The following MARCHF8 variants were observed in gnomAD, a reference collection of about 807,000 sequenced individuals.
MARCHF8 encodes membrane associated ring-CH-type finger 8, also known as E3 ubiquitin-protein ligase MARCHF8.
In MARCHF8, 40 loss-of-function variants were observed where a neutral mutation model predicts 51.6. The ratio of observed to expected loss-of-function variants is 0.77; its 90% CI spans 0.60 to 1.01. The LOEUF (loss-of-function observed/expected upper bound fraction) is 1.01, where lower values mean the gene tolerates loss of function less well. MARCHF8 is among the 50% of genes least tolerant of loss of function. MARCHF8 has a pLI of 0.00. For missense variants in MARCHF8, 685 were observed against 708.6 expected, an observed-to-expected ratio of 0.97 and a Z score of 0.38; for synonymous variants, 263 against 280.3, an observed-to-expected ratio of 0.94 and a Z score of 0.62.
In MARCHF8 at chr10:45,456,245, AG is replaced by A. The variant is rs1842602549; in HGVS notation, c.*1993del. On this transcript the variant is annotated 3_prime_UTR_variant, in exon 8 of 8. Coordinates refer to ENST00000453424, the MANE Select transcript of MARCHF8 (RefSeq NM_001282866.2). Reference sequence around the variant, plus strand: ...GTTGCCTGGGGTCCCCAGGCTGAGAAGGGGTATGGGTAATTGCACTTCGGGG... The same window carrying A: ...GTTGCCTGGGGTCCCCAGGCTGAGAAGGGTATGGGTAATTGCACTTCGGGG... 6.6e-6 allele frequency: 1 copy of A among 152,360 alleles called. No homozygotes were observed. The highest frequency in any genetic ancestry group is 2.4e-5 in the African/African-American group (1 of 41,452). The allele number at this position is 152,360 out of a possible 1,614,324, so 9.4% of individuals were successfully genotyped here.
intron 2 of MARCHF8, among the ~76,000 whole-genome samples, chr10:45,531,972 A>G (rs74371111): frequency 0.05 from 7,656 of 152,094 alleles, 265 homozygotes; most frequent in Non-Finnish European, 0.077. Flanking sequence ...CACAACCACT[A>G]TTTTCATCCT....
chr10:45,586,027 C>T (rs1020775111), intron 1 of MARCHF8, among the ~76,000 whole-genome samples: 5 of 152,054 alleles, frequency 3.3e-5, no homozygotes, highest in African/African-American at 1.2e-4. Context: ...TCTGTAAATG[C>T]TTTTTAGACC....
At chr10:45,560,792 C>G (rs1480322132) in intron 1 of MARCHF8, among the ~76,000 whole-genome samples, 1 of 152,158 alleles carries the variant, frequency 6.6e-6, no homozygotes, top group East Asian at 1.9e-4. Flanking sequence ...GTAGCTGCTC[C>G]CTAGAACTGT....
intron 2 of MARCHF8, among the ~76,000 whole-genome samples, chr10:45,500,035 T>C (rs1035873408): frequency 3.9e-5 from 6 of 152,170 alleles, no homozygotes; most frequent in African/African-American, 1.4e-4. Flanking sequence ...AGTACTGTCA[T>C]CTTAACAATA....
chr10:45,492,577 G>A (rs201961955), intron 2 of MARCHF8, among the ~76,000 whole-genome samples: 2 of 152,178 alleles, frequency 1.3e-5, no homozygotes, highest in East Asian at 3.9e-4. Context: ...GATTACAGGC[G>A]TGAGCCACTG....
intron 3 of MARCHF8, among the ~76,000 whole-genome samples, chr10:45,473,190 C>T (rs954445059): frequency 1.3e-5 from 2 of 152,152 alleles, no homozygotes; most frequent in African/African-American, 4.8e-5. Context: ...CAACAATAAC[C>T]GGAAAATATT....
rs1215979821 is a variant in MARCHF8, at chr10:45,482,856, AT to A, written c.153+6510del. On this transcript the variant is annotated intron_variant, in intron 3 of 7. Coordinates refer to ENST00000453424, the MANE Select transcript of MARCHF8 (RefSeq NM_001282866.2). The stretch of plus-strand genomic sequence containing the variant: ...AAATCCACGTACTTACTGCGAACTG[AT>A]TTTCAACAAAGGTACCAAAAACATG... 2.6e-5 allele frequency among the ~76,000 whole-genome samples: 4 copies of A among 152,222 alleles called. No homozygotes were observed. In the East Asian group the frequency reaches 7.7e-4, roughly 29 times the overall value.
chr10:45,502,478 C>T (rs2043298626), intron 2 of MARCHF8, among the ~76,000 whole-genome samples: 2 of 152,132 alleles, frequency 1.3e-5, no homozygotes, highest in African/African-American at 4.8e-5. Flanking sequence ...GAATGAACTA[C>T]AAGAAACCTA....
Position 45,463,305 on chromosome 10 carries a change from C to T in MARCHF8, c.934G>A (p.Val312Ile), listed in dbSNP as rs749184918. 1 of 1,550,920 alleles carries T rather than the reference C, an allele frequency of 6.4e-7. No individual in the cohort carries two copies. The highest frequency in any genetic ancestry group is 8.7e-7 in the Non-Finnish European group (1 of 1,147,098). Residue 312 changes from valine to isoleucine, a missense_variant, in exon 5 of 8, where the codon GTC becomes ATC. By Grantham distance (29) the Val-to-Ile change is conservative. Coordinates refer to ENST00000453424, the MANE Select transcript of MARCHF8 (RefSeq NM_001282866.2). Reference sequence around the variant, plus strand: ...TTTGCAGATGTGCTGTCCTCAAAGACATCGTCGTCTCCCATCTCGTCAGAG... The same window carrying T: ...TTTGCAGATGTGCTGTCCTCAAAGATATCGTCGTCTCCCATCTCGTCAGAG... ...FCSDEMGDDD[V>I]FEDSTSAKLK...
At chr10:45,505,637 T>G (rs981366617) in intron 2 of MARCHF8, among the ~76,000 whole-genome samples, 1 of 152,230 alleles carries the variant, frequency 6.6e-6, no homozygotes, top group African/African-American at 2.4e-5. Context: ...TACAGGTGAT[T>G]CTATCCTATT....
At chr10:45,459,371 C>T in intron 6 of MARCHF8, 104 bp from the exon 7 acceptor site, 1 of 1,276,092 alleles carries the variant, frequency 7.8e-7, no homozygotes, top group South Asian at 1.4e-5. Flanking sequence ...CCCACTTCTC[C>T]CTTCCCAAAC....
chr10:45,580,828 A>G (rs1589193785), intron 1 of MARCHF8, among the ~76,000 whole-genome samples: 2 of 152,150 alleles, frequency 1.3e-5, no homozygotes, highest in East Asian at 3.9e-4. Context: ...TTTCATGTCA[A>G]AGATCATTTG....
chr10:45,500,063 C>T (rs1447331674), intron 2 of MARCHF8, among the ~76,000 whole-genome samples: 1 of 151,646 alleles, frequency 6.6e-6, no homozygotes, highest in Non-Finnish European at 1.5e-5. Flanking sequence ...TTCCAATAAA[C>T]ACAGGATGTC....
chr10:45,581,851 G>A (rs1237310116), intron 1 of MARCHF8, among the ~76,000 whole-genome samples: 1 of 151,684 alleles, frequency 6.6e-6, no homozygotes, highest in African/African-American at 2.4e-5. Flanking sequence ...AGAAGAAAAG[G>A]GCTGCTTTCC....
At chr10:45,567,672 T>C (rs2044380323) in intron 1 of MARCHF8, among the ~76,000 whole-genome samples, 1 of 152,194 alleles carries the variant, frequency 6.6e-6, no homozygotes, top group Non-Finnish European at 1.5e-5. Context: ...TACCATGCTG[T>C]TTTGGTTACT....
chr10:45,498,626 C>G (rs182719233), intron 2 of MARCHF8, among the ~76,000 whole-genome samples: 20 of 152,242 alleles, frequency 1.3e-4, no homozygotes, highest in African/African-American at 4.8e-4. Context: ...CAGGTATACA[C>G]CACTACATCC....
At chr10:45,569,454 T>G (rs760166217) in intron 1 of MARCHF8, among the ~76,000 whole-genome samples, 1 of 152,248 alleles carries the variant, frequency 6.6e-6, no homozygotes, top group Non-Finnish European at 1.5e-5. Context: ...TAAATCCCAC[T>G]TGGTCATGTT....
chr10:45,584,778 T>C (rs989064624), intron 1 of MARCHF8, among the ~76,000 whole-genome samples: 10 of 152,052 alleles, frequency 6.6e-5, no homozygotes, highest in African/African-American at 1.7e-4. Flanking sequence ...GAAAAAAATA[T>C]GAGTCAGAGA....
intron 3 of MARCHF8, among the ~76,000 whole-genome samples, chr10:45,477,965 TAGCTG>T: frequency 6.6e-6 from 1 of 152,326 alleles, no homozygotes; most frequent in South Asian, 2.1e-4. Context: ...AGTATAATAA[TAGCTG>T]AGGACTTCAA....
Sources: allele counts gnomAD v4.1 joint callset (sites outside exome capture counted in the v4.1 genomes callset), GRCh38; gene constraint gnomAD v4.1.1; transcripts MANE v1.5; gene names NCBI Gene and HGNC (gene_info 2026-07-23, HGNC 2026-07-21).